The following PPP2R2B variants were observed in gnomAD, a reference collection of about 807,000 sequenced individuals.
The protein encoded by PPP2R2B is serine/threonine-protein phosphatase 2A 55 kDa regulatory subunit B beta isoform.
A neutral mutation model predicts 46.0 loss-of-function variants in PPP2R2B; 5 were observed. The ratio of observed to expected loss-of-function variants is 0.11; its 90% CI spans 0.06 to 0.23. The LOEUF (loss-of-function observed/expected upper bound fraction) is 0.23. PPP2R2B is among the 10% of genes least tolerant of loss of function. The pLI is 1.00. For missense variants in PPP2R2B, 367 were observed against 575.0 expected (o/e 0.64, Z 3.70); for synonymous variants, 215 against 206.7 (o/e 1.04, Z -0.34).
At chr5:146,796,236 G>A (rs929239861) in intron 2 of PPP2R2B, among the ~76,000 whole-genome samples, 10 of 152,162 alleles carry the variant, frequency 6.6e-5, no homozygotes, top group African/African-American at 2.4e-4. Flanking sequence ...GAATCTTCAT[G>A]ATAGGTCCAC....
intron 4 of PPP2R2B, among the ~76,000 whole-genome samples, chr5:146,693,116 C>T (rs971889821): frequency 4.0e-5 from 6 of 151,722 alleles, no homozygotes; most frequent in Admixed American, 3.9e-4. Flanking sequence ...TCCTCCCTTC[C>T]CTCTCTCCTT....
rs1414067332 is a variant in PPP2R2B at position 146,798,806 on chromosome 5, T to G, written c.70+79196A>C. Among the ~76,000 whole-genome samples, 3 of 152,156 alleles carry G rather than the reference T, an allele frequency of 2.0e-5. No homozygotes were observed. In the East Asian group the frequency reaches 5.8e-4, roughly 29 times the overall value. On this transcript the variant is annotated intron_variant, in intron 2 of 9. Coordinates refer to ENST00000394411, the MANE Select transcript of PPP2R2B (RefSeq NM_181675.4). Reference sequence around the variant, plus strand: ...GGGAATTGTAGCTTCAGGAATTAACTTTCTCCAGGGTATACAGCTAACAAA... The same window carrying G: ...GGGAATTGTAGCTTCAGGAATTAACGTTCTCCAGGGTATACAGCTAACAAA...
chr5:146,804,488 G>A (rs1421754661), intron 2 of PPP2R2B, among the ~76,000 whole-genome samples: 1 of 152,004 alleles, frequency 6.6e-6, no homozygotes, highest in African/African-American at 2.4e-5. Flanking sequence ...CTGATCCATT[G>A]CCTTTTAAAT....
chr5:146,741,035 CAAA>C (rs34289574), intron 2 of PPP2R2B, among the ~76,000 whole-genome samples: 1 of 142,528 alleles, frequency 7.0e-6, no homozygotes, highest in East Asian at 2.1e-4. Flanking sequence ...GACTCCGTCT[CAAA>C]AAAAAAAAAA....
rs577535297 is a variant in PPP2R2B, at chr5:146,805,460, G to A, written c.70+72542C>T. Among the ~76,000 whole-genome samples the A allele has an allele frequency of 7.9e-5, 12 of 152,258 alleles. No homozygotes were observed. The East Asian group carries it at 2.1e-3, about 27-fold the overall frequency. On this transcript the variant is annotated intron_variant, in intron 2 of 9. Transcript: ENST00000394411. ...TGTCTAATTGCAACAAAAATCAATG[G>A]TTTTGAAAATGGAAAGCAGATAGAT...
chr5:146,867,713 C>A (rs777145112), intron 2 of PPP2R2B, among the ~76,000 whole-genome samples: 3 of 152,094 alleles, frequency 2.0e-5, no homozygotes, highest in Non-Finnish European at 4.4e-5. Flanking sequence ...TTTCACGCAC[C>A]CTGGCTTCTG....
At chr5:146,743,250 T>A (rs1752985718) in intron 2 of PPP2R2B, among the ~76,000 whole-genome samples, 1 of 152,192 alleles carries the variant, frequency 6.6e-6, no homozygotes, top group Non-Finnish European at 1.5e-5. Context: ...GAGGAAGAAT[T>A]CTTTTTCTTC....
chr5:146,961,443 A>G (rs1250537826), intron 1 of PPP2R2B, among the ~76,000 whole-genome samples: 1 of 152,216 alleles, frequency 6.6e-6, no homozygotes, highest in Non-Finnish European at 1.5e-5. Context: ...ATTTTGCTCT[A>G]TCTGTAACAA....
chr5:146,607,419 G>C (rs79106879), intron 7 of PPP2R2B, among the ~76,000 whole-genome samples: 2,952 of 152,250 alleles, frequency 0.019, 88 homozygotes, highest in African/African-American at 0.067. Flanking sequence ...ATGAAACCAA[G>C]TTGCTTAACC....
intron 1 of PPP2R2B, among the ~76,000 whole-genome samples, chr5:146,944,634 C>T (rs561633192): frequency 2.3e-4 from 35 of 152,156 alleles, no homozygotes; most frequent in Non-Finnish European, 3.2e-4. Flanking sequence ...CTCACAGGAG[C>T]GGGAAGACTG....
chr5:146,642,460 A>G (rs1581776485), intron 6 of PPP2R2B, among the ~76,000 whole-genome samples: 1 of 152,232 alleles, frequency 6.6e-6, no homozygotes. Flanking sequence ...ATATTAGAAA[A>G]AGATTGACAA....
At chr5:146,600,576 T>C in intron 7 of PPP2R2B, 116 bp from the exon 8 acceptor site, 1 of 995,126 alleles carries the variant, frequency 1.0e-6, no homozygotes, top group Non-Finnish European at 1.5e-6. Context: ...AGGGCTGGTG[T>C]CTGCAGAATG....
intron 1 of PPP2R2B, among the ~76,000 whole-genome samples, chr5:146,894,231 T>G (rs1011972472): frequency 1.3e-5 from 2 of 152,200 alleles, no homozygotes; most frequent in Non-Finnish European, 2.9e-5. Flanking sequence ...CCAATTGCCC[T>G]GCTTAAAGTT....
intron 1 of PPP2R2B, among the ~76,000 whole-genome samples, chr5:146,959,532 T>C (rs1752076080): frequency 6.6e-6 from 1 of 152,204 alleles, no homozygotes; most frequent in African/African-American, 2.4e-5. Flanking sequence ...TATTTATATA[T>C]GCATGCATGA....
chr5:146,598,503 T>C (rs1331404301), intron 8 of PPP2R2B, among the ~76,000 whole-genome samples: 1 of 152,242 alleles, frequency 6.6e-6, no homozygotes, highest in Non-Finnish European at 1.5e-5. Context: ...TGAAGCTAAA[T>C]ATATCCAGAC....
chr5:146,942,124 T>C (rs1409014042), intron 1 of PPP2R2B, among the ~76,000 whole-genome samples: 2 of 152,196 alleles, frequency 1.3e-5, no homozygotes, highest in Admixed American at 1.3e-4. Context: ...AACTTGATTT[T>C]TCAGATTACA....
chr5:146,801,728 C>T (rs758706121), intron 2 of PPP2R2B, among the ~76,000 whole-genome samples: 14 of 152,186 alleles, frequency 9.2e-5, no homozygotes, highest in Non-Finnish European at 1.5e-4. Context: ...AATAAGGGTG[C>T]TATGAGAGTG....
chr5:147,027,074 T>C (rs972888906), intron 1 of PPP2R2B, among the ~76,000 whole-genome samples: 2 of 152,138 alleles, frequency 1.3e-5, no homozygotes, highest in Non-Finnish European at 2.9e-5. Flanking sequence ...TTTTGGTATA[T>C]TCACACAATA....
At chr5:146,808,357 T>C (rs1732478007) in intron 2 of PPP2R2B, among the ~76,000 whole-genome samples, 1 of 152,244 alleles carries the variant, frequency 6.6e-6, no homozygotes, top group Non-Finnish European at 1.5e-5. Flanking sequence ...TCAGAGCAAG[T>C]TCTATTGCAT....
Sources: allele counts gnomAD v4.1 joint callset (sites outside exome capture counted in the v4.1 genomes callset), GRCh38; gene constraint gnomAD v4.1.1; transcripts MANE v1.5; gene names NCBI Gene and HGNC (gene_info 2026-07-23, HGNC 2026-07-21).